Variants in RASEF observed in about 807,000 individuals in gnomAD.
RASEF encodes RAS and EF-hand domain containing.
A neutral mutation model predicts 90.1 loss-of-function variants in RASEF; 68 were observed. The observed-to-expected ratio is 0.75, with a 90% CI of 0.62 to 0.92. The LOEUF (loss-of-function observed/expected upper bound fraction) is 0.92, where lower values mean the gene tolerates loss of function less well. RASEF is among the 40% of genes least tolerant of loss of function. RASEF has a pLI of 0.00. For synonymous variants in RASEF, 331 were observed against 345.2 expected, an observed-to-expected ratio of 0.96 and a Z score of 0.46; for missense variants, 949 against 937.2, an observed-to-expected ratio of 1.01 and a Z score of -0.16.
chr9:83,037,250 CAGA>C (rs971267122), intron 1 of RASEF, among the ~76,000 whole-genome samples: 1 of 151,690 alleles, frequency 6.6e-6, no homozygotes, highest in African/African-American at 2.4e-5. Context: ...CCTGCACTAG[CAGA>C]AGAAGAACTT....
chr9:83,170,428 C>T, the RASEF span, among the ~76,000 whole-genome samples: 1 of 151,668 alleles, frequency 6.6e-6, no homozygotes, highest in Admixed American at 6.6e-5. Context: ...TAAATACAAA[C>T]TTCAGATTTA....
intron 12 of RASEF, among the ~76,000 whole-genome samples, chr9:82,999,486 T>C (rs531697777): frequency 2.0e-5 from 3 of 152,318 alleles, no homozygotes; most frequent in East Asian, 1.9e-4. Flanking sequence ...GGTGTATCGT[T>C]TGTACCTACA....
At position 83,000,458 on chromosome 9, in the gene RASEF, T is replaced by C. The variant is rs1564072401; in HGVS notation, c.1550A>G (p.Lys517Arg). Residue 517 changes from lysine (K) to arginine (R), a missense_variant, in exon 11 of 17, where the codon AAG (lysine) becomes AGG (arginine). By Grantham distance (26) the Lys-to-Arg change is conservative. This residue lies in a region of RASEF where 288 missense variants were observed against 328.4 expected (regional missense o/e 0.88). Transcript: ENST00000376447. ...CTGGGGCGAGAGTGCTGAGATGGGC[T>C]TTCTTGATGAACTAACAATGCTGCC... ...SEGSIVSSSR[K>R]PISALSPQTD... is the part of the protein sequence containing the mutation. 1 of 1,614,120 alleles carries C rather than the reference T, an allele frequency of 6.2e-7. No homozygotes were observed. Among genetic ancestry groups the C allele is most frequent in the Admixed American group, 1.7e-5 (1 of 60,012 alleles).
At chr9:83,139,405 G>A in the RASEF span, among the ~76,000 whole-genome samples, 1 of 152,212 alleles carries the variant, frequency 6.6e-6, no homozygotes, top group East Asian at 1.9e-4. Context: ...GCCTACTATT[G>A]AGCAGAAGCC....
the RASEF span, among the ~76,000 whole-genome samples, chr9:83,089,488 T>C: frequency 6.6e-6 from 1 of 152,150 alleles, no homozygotes; most frequent in Non-Finnish European, 1.5e-5. Context: ...AAAACTCTCT[T>C]GGCTATTGTT....
At chr9:83,156,589 G>A in the RASEF span, among the ~76,000 whole-genome samples, 181 of 152,110 alleles carry the variant, frequency 1.2e-3, 2 homozygotes, top group Non-Finnish European at 2.3e-3. Context: ...TCTGGAACAG[G>A]CACCTCCCAG....
the RASEF span, among the ~76,000 whole-genome samples, chr9:83,140,712 C>T: frequency 1.3e-5 from 2 of 151,948 alleles, no homozygotes; most frequent in East Asian, 3.9e-4. Context: ...TTTAAAGATG[C>T]AGAGAAAAAT....
intron 3 of RASEF, 148 bp downstream of exon 3, chr9:83,022,188 C>A (rs1829456826): frequency 1.5e-6 from 1 of 650,574 alleles, no homozygotes; most frequent in Admixed American, 2.7e-5. Context: ...CCAAAAACCA[C>A]CACCAGTAAA....
the RASEF span, among the ~76,000 whole-genome samples, chr9:83,097,292 CTGT>C: frequency 2.0e-5 from 3 of 152,188 alleles, no homozygotes; most frequent in Non-Finnish European, 4.4e-5. Context: ...TCTCCAGCAC[CTGT>C]TGTTTCCTGA....
intron 1 of RASEF, among the ~76,000 whole-genome samples, chr9:83,030,547 C>A (rs1474590724): frequency 6.6e-6 from 1 of 152,138 alleles, no homozygotes; most frequent in Non-Finnish European, 1.5e-5. Context: ...CAGAGAATTT[C>A]AAAAATAGTT....
At chr9:83,092,206 A>C in the RASEF span, among the ~76,000 whole-genome samples, 1 of 151,274 alleles carries the variant, frequency 6.6e-6, no homozygotes, top group East Asian at 1.9e-4. Flanking sequence ...GCTTCAGTTA[A>C]CATGAAAATC....
the RASEF span, among the ~76,000 whole-genome samples, chr9:83,151,422 T>C: frequency 2.0e-5 from 3 of 152,134 alleles, no homozygotes; most frequent in Non-Finnish European, 2.9e-5. Context: ...GCCCCCAGCT[T>C]TCTAGATGGG....
intron 14 of RASEF, among the ~76,000 whole-genome samples, chr9:82,995,609 G>C (rs1311800473): frequency 6.6e-6 from 1 of 151,988 alleles, no homozygotes; most frequent in African/African-American, 2.4e-5. Context: ...ACATGCCTGG[G>C]TAATTTTTGT....
At chr9:83,193,527 C>T in the RASEF span, among the ~76,000 whole-genome samples, 2 of 152,128 alleles carry the variant, frequency 1.3e-5, no homozygotes, top group Non-Finnish European at 2.9e-5. Context: ...AATTCAAATC[C>T]TCTCCATAAT....
At chr9:83,204,889 C>A in the RASEF span, among the ~76,000 whole-genome samples, 1 of 152,200 alleles carries the variant, frequency 6.6e-6, no homozygotes, top group Admixed American at 6.5e-5. Context: ...AATTATAATT[C>A]TCAAAGCTCT....
chr9:82,997,436 C>T (rs569207934), intron 13 of RASEF, among the ~76,000 whole-genome samples: 1 of 152,274 alleles, frequency 6.6e-6, no homozygotes, highest in South Asian at 2.1e-4. Flanking sequence ...TCAACCTCAG[C>T]AACAAGCTAC....
chr9:83,128,148 C>G, the RASEF span, among the ~76,000 whole-genome samples: 1 of 150,964 alleles, frequency 6.6e-6, no homozygotes, highest in African/African-American at 2.4e-5. Context: ...CTTAGCAACT[C>G]TTCTTTAAAA....
intron 2 of RASEF, among the ~76,000 whole-genome samples, chr9:83,024,442 C>G (rs1829502971): frequency 6.6e-6 from 1 of 152,050 alleles, no homozygotes; most frequent in Admixed American, 6.6e-5. Context: ...TATGTGTGTA[C>G]CTATGAGTTT....
chr9:83,028,412 A>G (rs1841514987), intron 1 of RASEF, among the ~76,000 whole-genome samples: 1 of 152,228 alleles, frequency 6.6e-6, no homozygotes, highest in South Asian at 2.1e-4. Context: ...TTTCACAGCC[A>G]TCTATGGTGT....
Sources: allele counts gnomAD v4.1 joint callset (sites outside exome capture counted in the v4.1 genomes callset), GRCh38; gene constraint gnomAD v4.1.1; regional missense constraint gnomAD v4.1.1; transcripts MANE v1.5; gene names NCBI Gene and HGNC (gene_info 2026-07-23, HGNC 2026-07-21).